Variants in GMDS observed in about 807,000 individuals in gnomAD.
The protein encoded by GMDS is GDP-mannose 4,6-dehydratase.
GMDS carries 20 observed loss-of-function variants against 49.9 expected under a neutral mutation model. The ratio of observed to expected loss-of-function variants is 0.40; its 90% CI spans 0.28 to 0.58. The LOEUF (loss-of-function observed/expected upper bound fraction) is 0.58. Ranked by LOEUF, GMDS falls within the 20% of genes least tolerant of loss-of-function variation. GMDS has a pLI of 0.42. For missense variants in GMDS, 362 were observed against 481.4 expected (o/e 0.75, Z 2.32); for synonymous variants, 177 against 178.6 (o/e 0.99, Z 0.07).
chr6:2,021,121 G>A (rs530580688), intron 4 of GMDS, among the ~76,000 whole-genome samples: 6 of 152,280 alleles, frequency 3.9e-5, no homozygotes, highest in African/African-American at 1.4e-4. Flanking sequence ...CTGATTAGGA[G>A]GAGTCAAATT....
intron 1 of GMDS, among the ~76,000 whole-genome samples, chr6:2,177,055 G>T (rs1778315670): frequency 1.3e-5 from 2 of 152,204 alleles, no homozygotes; most frequent in East Asian, 3.9e-4. Context: ...GATCCAGTAA[G>T]AAAAGTCTTT....
chr6:1,835,051 C>G (rs1756860246), intron 7 of GMDS, among the ~76,000 whole-genome samples: 1 of 151,986 alleles, frequency 6.6e-6, no homozygotes, highest in Non-Finnish European at 1.5e-5. Flanking sequence ...AATTAGTTCT[C>G]TACTGATAGA....
At chr6:2,144,360 G>A (rs1453364085) in intron 1 of GMDS, among the ~76,000 whole-genome samples, 4 of 152,210 alleles carry the variant, frequency 2.6e-5, no homozygotes, top group East Asian at 3.8e-4. Context: ...ACACTGGAAC[G>A]CCTCAGGCTG....
At chr6:1,968,174 T>C (rs1764374014) in intron 4 of GMDS, among the ~76,000 whole-genome samples, 1 of 152,222 alleles carries the variant, frequency 6.6e-6, no homozygotes, top group Admixed American at 6.5e-5. Flanking sequence ...AAAGAGGGCA[T>C]GCTAACCAAG....
chr6:2,097,396 G>C (rs941362552), intron 4 of GMDS, among the ~76,000 whole-genome samples: 16 of 152,120 alleles, frequency 1.1e-4, no homozygotes, highest in African/African-American at 3.6e-4. Flanking sequence ...GAGGATGAAG[G>C]CTTCTGGGAA....
intron 7 of GMDS, among the ~76,000 whole-genome samples, chr6:1,750,611 G>A (rs888033777): frequency 6.6e-6 from 1 of 152,126 alleles, no homozygotes; most frequent in Non-Finnish European, 1.5e-5. Flanking sequence ...TCCTTCGGGT[G>A]CCTATACCAC....
intron 2 of GMDS, among the ~76,000 whole-genome samples, chr6:2,118,295 C>A (rs1189849657): frequency 6.6e-6 from 1 of 152,154 alleles, no homozygotes; most frequent in Non-Finnish European, 1.5e-5. Flanking sequence ...TTGTTCCAGA[C>A]CTGGTCCCAC....
chr6:2,007,553 TTTC>T (rs1328866708), intron 4 of GMDS, among the ~76,000 whole-genome samples: 1 of 151,502 alleles, frequency 6.6e-6, no homozygotes, highest in Non-Finnish European at 1.5e-5. Context: ...CTTTCAGTTT[TTTC>T]TTTTTTCTTT....
At chr6:1,876,627 C>T (rs1255455908) in intron 7 of GMDS, among the ~76,000 whole-genome samples, 1 of 152,170 alleles carries the variant, frequency 6.6e-6, no homozygotes, top group Non-Finnish European at 1.5e-5. Flanking sequence ...AATAACAATA[C>T]TAACTTGTGC....
At chr6:2,211,414 G>A (rs1031153997) in intron 1 of GMDS, among the ~76,000 whole-genome samples, 2 of 152,046 alleles carry the variant, frequency 1.3e-5, no homozygotes, top group Admixed American at 1.3e-4. Context: ...AATGACATCT[G>A]CTTATTTTTA....
intron 2 of GMDS, among the ~76,000 whole-genome samples, chr6:2,123,671 G>A (rs1215199290): frequency 2.0e-5 from 3 of 152,210 alleles, no homozygotes; most frequent in South Asian, 4.1e-4. Flanking sequence ...TTTCTTTCTC[G>A]ATTATTACAG....
At chr6:2,223,797 T>A (rs1463495685) in intron 1 of GMDS, among the ~76,000 whole-genome samples, 1 of 152,218 alleles carries the variant, frequency 6.6e-6, no homozygotes, top group East Asian at 1.9e-4. Context: ...ATGGAAATGT[T>A]GAGGCATTTG....
intron 4 of GMDS, among the ~76,000 whole-genome samples, chr6:2,023,865 T>C (rs180855099): frequency 3.3e-5 from 5 of 152,250 alleles, no homozygotes; most frequent in Non-Finnish European, 4.4e-5. Context: ...TGCTCCAAAA[T>C]GTGCCTAATA....
chr6:2,149,270 C>A (rs1307375926), intron 1 of GMDS, among the ~76,000 whole-genome samples: 1 of 152,084 alleles, frequency 6.6e-6, no homozygotes, highest in Non-Finnish European at 1.5e-5. Flanking sequence ...TTGAAGAGAG[C>A]ATCAGTTTTG....
chr6:2,097,074 A>C (rs1773646700), intron 4 of GMDS, among the ~76,000 whole-genome samples: 1 of 152,126 alleles, frequency 6.6e-6, no homozygotes, highest in Non-Finnish European at 1.5e-5. Context: ...CTGTACAAAA[A>C]TATAAAGAAA....
intron 1 of GMDS, among the ~76,000 whole-genome samples, chr6:2,214,947 CA>C (rs1166674934): frequency 6.6e-6 from 1 of 152,170 alleles, no homozygotes; most frequent in East Asian, 1.9e-4. Flanking sequence ...GCTGATATTA[CA>C]TGAAGAAAAC....
intron 8 of GMDS, among the ~76,000 whole-genome samples, chr6:1,734,370 G>A (rs746344197): frequency 1.2e-4 from 19 of 152,184 alleles, no homozygotes; most frequent in Admixed American, 1.1e-3. Flanking sequence ...TTTCTCTATC[G>A]TGGGGCCCTT....
intron 9 of GMDS, among the ~76,000 whole-genome samples, chr6:1,715,134 A>T (rs752568341): frequency 1.2e-4 from 19 of 152,244 alleles, no homozygotes; most frequent in Non-Finnish European, 2.5e-4. Context: ...TGAAAGAATT[A>T]GTGAAAAGAC....
intron 9 of GMDS, among the ~76,000 whole-genome samples, chr6:1,652,985 G>A (rs1347909625): frequency 6.6e-6 from 1 of 150,854 alleles, no homozygotes; most frequent in Non-Finnish European, 1.5e-5. Flanking sequence ...GGCCTTCCGG[G>A]CCACCTGCAG....
Sources: allele counts gnomAD v4.1 joint callset (sites outside exome capture counted in the v4.1 genomes callset), GRCh38; gene constraint gnomAD v4.1.1; transcripts MANE v1.5; gene names NCBI Gene and HGNC (gene_info 2026-07-23, HGNC 2026-07-21).